Variants in TRIM54 observed in about 807,000 individuals in gnomAD.
TRIM54 encodes the protein tripartite motif containing 54.
TRIM54 carries 40 observed loss-of-function variants against 42.0 expected under a neutral mutation model. The ratio of observed to expected loss-of-function variants is 0.95; its 90% CI spans 0.74 to 1.24. TRIM54 has a LOEUF of 1.24. TRIM54 is among the 50% of genes most tolerant of loss of function. The pLI is 0.00. For synonymous variants in TRIM54, 199 were observed against 194.9 expected (o/e 1.02, Z -0.17); for missense variants, 485 against 480.3 (o/e 1.01, Z -0.09).
At chr2:27,303,281 C>T (rs1205624667) in intron 3 of TRIM54, among the ~76,000 whole-genome samples, 5 of 152,110 alleles carry the variant, frequency 3.3e-5, no homozygotes, top group South Asian at 2.1e-4. Context: ...CCCGGCTGGG[C>T]GCAGTGGCTC....
Position 27,306,848 on chromosome 2 carries a change from C to T in TRIM54, c.*2-39C>T. 1 of 457,010 alleles carries T rather than the reference C, an allele frequency of 2.2e-6. No homozygotes were observed. The highest frequency in any genetic ancestry group is 3.9e-6 in the Non-Finnish European group (1 of 256,288). 28.3% of individuals were successfully genotyped at this position (457,010 alleles called of 1,614,324 possible). A position where few individuals can be genotyped will look rare whatever the true frequency, so the allele number is the denominator to read the frequency against. ...CGGGGCTCGAGCTGCCTCGTGCCTT[C>T]GCAGCACCCGCCCACCGAGCCTTCT... On this transcript the variant is annotated intron_variant, in intron 8 of 8. Coordinates refer to ENST00000380075, the MANE Select transcript of TRIM54 (RefSeq NM_187841.3). The surrounding 1 kb of genome is among the most constrained non-coding windows in gnomAD (Gnocchi z 6.1).
Position 27,306,216 on chromosome 2 carries a change from C to A in TRIM54, c.870C>A (p.Val290=). The A allele has an allele frequency of 6.2e-7, 1 of 1,613,956 alleles. No homozygotes were observed. The highest frequency in any genetic ancestry group is 1.1e-5 in the South Asian group (1 of 91,064). The change falls in exon 7 of 9, where the codon GTC becomes GTA. Residue 290 remains valine, a synonymous_variant. Transcript: ENST00000380075. The surrounding 1 kb of genome is among the most constrained non-coding windows in gnomAD (Gnocchi z 6.1). ...TGAGTCCGTGTGGCCACTGCAGGGTCGGGGCCATGTCGAAGGTGGAGCTGG... is the reference window on the plus strand; with the variant it reads ...TGAGTCCGTGTGGCCACTGCAGGGTAGGGGCCATGTCGAAGGTGGAGCTGG... The part of the protein sequence containing the change: ...LQQAKELINK[V]GAMSKVELAG...
chr2:27,303,273 C>T (rs777733673), intron 3 of TRIM54, among the ~76,000 whole-genome samples: 13 of 152,036 alleles, frequency 8.6e-5, no homozygotes, highest in Admixed American at 3.3e-4. Context: ...TCCAGAGACC[C>T]GGCTGGGCGC....
In TRIM54 at chr2:27,304,964, G is replaced by A; in HGVS notation, c.519G>A (p.Glu173=). 1 of 1,613,946 alleles carries A rather than the reference G, an allele frequency of 6.2e-7. No homozygotes were observed. The highest frequency in any genetic ancestry group is 8.5e-7 in the Non-Finnish European group (1 of 1,179,912). ...LPTIYKRQKS[E]LSDGIAMLVA... ...CTGACCTGTGTGTGTATCAGAGTGA[G>A]CTCAGCGATGGCATCGCGATGCTGG... Residue 173 remains glutamate, a synonymous_variant, in exon 4 of 9, where the codon GAG becomes GAA. Coordinates refer to ENST00000380075, the MANE Select transcript of TRIM54 (RefSeq NM_187841.3).
intron 1 of TRIM54, among the ~76,000 whole-genome samples, chr2:27,288,035 C>T (rs941068989): frequency 1.3e-5 from 2 of 152,224 alleles, no homozygotes; most frequent in African/African-American, 4.8e-5. Flanking sequence ...CTAGGTTCTA[C>T]CGCCCATAGC....
At chr2:27,295,525 C>A (rs1369514371) in intron 1 of TRIM54, among the ~76,000 whole-genome samples, 1 of 152,138 alleles carries the variant, frequency 6.6e-6, no homozygotes, top group Non-Finnish European at 1.5e-5. Flanking sequence ...CCAGGCTGGT[C>A]TCGAACTCTT....
rs199985309 is a variant in TRIM54, at chr2:27,299,282, G to A, written c.379G>A (p.Glu127Lys). The change falls in exon 3 of 9, where the codon GAG (glutamate) becomes AAG (lysine). Residue 127 changes from glutamate to lysine, a missense_variant. By Grantham distance (56) the Glu-to-Lys change is moderately conservative. Coordinates refer to ENST00000380075, the MANE Select transcript of TRIM54 (RefSeq NM_187841.3). ...CAAGGCTGAGCAGCACCTCATGTGC[G>A]AGGAGCATGAAGAAGAGAAGATCAA... Reference protein sequence around the residue: ...HSKAEQHLMCEEHEEEKINIY... With the variant: ...HSKAEQHLMCKEHEEEKINIY... 83 of 1,614,032 alleles carry A rather than the reference G, an allele frequency of 5.1e-5. No individual in the cohort carries two copies. The highest frequency in any genetic ancestry group is 1.6e-4 in the Middle Eastern group (1 of 6,084).
At position 27,295,328 on chromosome 2, in the gene TRIM54, C is replaced by T. The variant is rs1013126524; in HGVS notation, c.169-3239C>T. Among the ~76,000 whole-genome samples the T allele has an allele frequency of 3.9e-5, 6 of 151,922 alleles. No individual in the cohort carries two copies. The South Asian group carries it at 8.3e-4, about 21-fold the overall frequency. ...CCCTCAAAACATATTTTTTTTGAGACGGAGTTTCACTCTTGTCTCCCAGGC... is the reference window on the plus strand; with the variant it reads ...CCCTCAAAACATATTTTTTTTGAGATGGAGTTTCACTCTTGTCTCCCAGGC... On this transcript the variant is annotated intron_variant, in intron 1 of 8. Transcript: ENST00000380075.
chr2:27,299,140 C>G, intron 2 of TRIM54, 105 bp from the exon 3 acceptor site: 2 of 1,321,380 alleles, frequency 1.5e-6, no homozygotes, highest in Non-Finnish European at 2.1e-6. Context: ...ACAGCACTAG[C>G]TGCAGGGGCG....
At chr2:27,287,540 C>G (rs62130710) in intron 1 of TRIM54, among the ~76,000 whole-genome samples, 1 of 150,514 alleles carries the variant, frequency 6.6e-6, no homozygotes, top group Non-Finnish European at 1.5e-5. Flanking sequence ...TTTTTTTTCC[C>G]AGAGACAGGG....
chr2:27,294,306 A>G (rs1678806205), intron 1 of TRIM54, among the ~76,000 whole-genome samples: 1 of 151,828 alleles, frequency 6.6e-6, no homozygotes, highest in Non-Finnish European at 1.5e-5. Flanking sequence ...CTTTTTGTAG[A>G]GACGTGGTTT....
At chr2:27,285,060 G>C (rs1265966893) in intron 1 of TRIM54, among the ~76,000 whole-genome samples, 3 of 152,188 alleles carry the variant, frequency 2.0e-5, no homozygotes, top group African/African-American at 4.8e-5. Flanking sequence ...CTTTGGGGTG[G>C]CTCTGTGGAT....
intron 1 of TRIM54, among the ~76,000 whole-genome samples, chr2:27,293,477 G>A (rs562703062): frequency 1.3e-5 from 2 of 152,252 alleles, no homozygotes; most frequent in African/African-American, 4.8e-5. Flanking sequence ...ATGGGAGGAG[G>A]TCTCCCCTGA....
chr2:27,305,021 C>G lies in TRIM54; in HGVS notation c.576C>G (p.Ile192Met). 1 of 1,614,056 alleles carries G rather than the reference C, an allele frequency of 6.2e-7. No individual in the cohort carries two copies. Residue 192 changes from isoleucine to methionine, a missense_variant, in exon 4 of 9, where the codon ATC (isoleucine) becomes ATG (methionine). Transcript: ENST00000380075. ...GCAATGACCGCGTGCAAGCAGTGAT[C>G]ACACAGATGGAGGAGGTGTGCCAGA... ...VAGNDRVQAV[I>M]TQMEEVCQTI... is the part of the protein sequence containing the mutation.
chr2:27,305,772 T>C lies in TRIM54; in HGVS notation c.798T>C (p.Ser266=), dbSNP rs775170022. The change falls in exon 5 of 9, where the codon TCT becomes TCC. Residue 266 remains serine (S), a synonymous_variant. Coordinates refer to ENST00000380075, the MANE Select transcript of TRIM54 (RefSeq NM_187841.3). ...HLEASSKLVE[S]AIQSMEEPQM... ...AGGCCTCCTCTAAGCTGGTGGAGTC[T>C]GCCATCCAGTCCATGGAAGAGCCAC... 16 of 1,610,978 alleles carry C rather than the reference T, an allele frequency of 9.9e-6. No individual in the cohort carries two copies. The highest frequency in any genetic ancestry group is 1.3e-5 in the African/African-American group (1 of 74,842).
At chr2:27,287,598 A>G (rs1678610571) in intron 1 of TRIM54, among the ~76,000 whole-genome samples, 1 of 151,908 alleles carries the variant, frequency 6.6e-6, no homozygotes. Flanking sequence ...ATCATAGTCC[A>G]CTGTAACCTT....
intron 1 of TRIM54, among the ~76,000 whole-genome samples, chr2:27,289,532 T>C (rs1216103380): frequency 6.6e-6 from 1 of 152,182 alleles, no homozygotes; most frequent in Non-Finnish European, 1.5e-5. Flanking sequence ...GTCAGGCTGG[T>C]CTCAAAACTC....
At chr2:27,285,430 C>G (rs1009526252) in intron 1 of TRIM54, among the ~76,000 whole-genome samples, 1 of 152,118 alleles carries the variant, frequency 6.6e-6, no homozygotes, top group Non-Finnish European at 1.5e-5. Context: ...TAACGGTTAT[C>G]AAAGTGATAC....
chr2:27,305,782 T>C lies in TRIM54; in HGVS notation c.808T>C (p.Ser270Pro), dbSNP rs1188299077. ...TAAGCTGGTGGAGTCTGCCATCCAG[T>C]CCATGGAAGAGCCACAAATGGCGCT... is the stretch of plus-strand genomic sequence containing the variant. Reference protein sequence around the residue: ...SSKLVESAIQSMEEPQMALYL... With the variant: ...SSKLVESAIQPMEEPQMALYL... Residue 270 changes from serine (S) to proline (P), a missense_variant, in exon 5 of 9, where the codon TCC (serine) becomes CCC (proline). Transcript: ENST00000380075. 6.2e-7 allele frequency: 1 copy of C among 1,609,788 alleles called. No homozygotes were observed. The highest frequency in any genetic ancestry group is 1.7e-5 in the Admixed American group (1 of 59,592).
Sources: allele counts gnomAD v4.1 joint callset (sites outside exome capture counted in the v4.1 genomes callset), GRCh38; gene constraint gnomAD v4.1.1; non-coding constraint Gnocchi (gnomAD v3.1); transcripts MANE v1.5; gene names NCBI Gene and HGNC (gene_info 2026-07-23, HGNC 2026-07-21).